PTPRD: variants seen among roughly 807,000 people sequenced by gnomAD.
The protein encoded by PTPRD is receptor-type tyrosine-protein phosphatase delta.
Under a neutral mutation model 214.5 loss-of-function variants are expected in PTPRD, and 34 were observed. The observed-to-expected ratio is 0.16, with a 90% CI of 0.12 to 0.21. The LOEUF is 0.21. PTPRD is among the 10% of genes least tolerant of loss of function. The pLI is 1.00. For missense variants in PTPRD, 2,545 were observed against 2,398.7 expected (o/e 1.06, Z -1.27); for synonymous variants, 1,128 against 845.7 (o/e 1.33, Z -5.79).
chr9:9,140,754 G>A (rs7852308), intron 10 of PTPRD, among the ~76,000 whole-genome samples: 97,846 of 151,892 alleles, frequency 0.64, 31,991 homozygotes, highest in African/African-American at 0.75. Flanking sequence ...AATTTTTTGT[G>A]TTTTTAGTAG....
intron 14 of PTPRD, among the ~76,000 whole-genome samples, chr9:8,592,203 C>T (rs1474892664): frequency 2.6e-5 from 4 of 152,082 alleles, no homozygotes; most frequent in East Asian, 3.8e-4. Flanking sequence ...AAACTCAATG[C>T]CCTCCTTCTA....
At chr9:9,323,740 G>C (rs897170207) in intron 9 of PTPRD, among the ~76,000 whole-genome samples, 6 of 152,078 alleles carry the variant, frequency 3.9e-5, no homozygotes, top group Non-Finnish European at 7.4e-5. Context: ...TGTGCACAAT[G>C]TGCAGGTTTG....
chr9:10,526,023 T>C (rs2054180864), intron 2 of PTPRD, among the ~76,000 whole-genome samples: 2 of 152,098 alleles, frequency 1.3e-5, no homozygotes, highest in Admixed American at 1.3e-4. Context: ...TGCCCACATT[T>C]CAATTTACTC....
intron 11 of PTPRD, among the ~76,000 whole-genome samples, chr9:8,925,460 G>C (rs955026163): frequency 6.6e-6 from 1 of 151,940 alleles, no homozygotes; most frequent in African/African-American, 2.4e-5. Context: ...ACACAGCTGT[G>C]TTTGTTCTGA....
chr9:10,056,104 T>C (rs774612909), intron 3 of PTPRD, among the ~76,000 whole-genome samples: 2 of 151,872 alleles, frequency 1.3e-5, no homozygotes, highest in Non-Finnish European at 2.9e-5. Context: ...GAGCGGACCA[T>C]GAGGTCAGGA....
At chr9:9,605,132 G>C (rs913540708) in intron 7 of PTPRD, among the ~76,000 whole-genome samples, 1 of 151,948 alleles carries the variant, frequency 6.6e-6, no homozygotes, top group Non-Finnish European at 1.5e-5. Context: ...TTCACATAAC[G>C]TATACACTGG....
intron 8 of PTPRD, among the ~76,000 whole-genome samples, chr9:9,468,900 A>T (rs1305740031): frequency 6.6e-6 from 1 of 152,130 alleles, no homozygotes; most frequent in African/African-American, 2.4e-5. Context: ...TGATCAGGGC[A>T]AATTCTCATG....
chr9:9,971,681 G>A (rs1275667156), intron 4 of PTPRD, among the ~76,000 whole-genome samples: 1 of 152,140 alleles, frequency 6.6e-6, no homozygotes. Flanking sequence ...GCACTGGTTT[G>A]GTGGTGGCTG....
chr9:10,345,462 C>G (rs965406759), intron 2 of PTPRD, among the ~76,000 whole-genome samples: 3 of 150,944 alleles, frequency 2.0e-5, no homozygotes, highest in African/African-American at 7.3e-5. Context: ...TCCTCTCCAC[C>G]TGCCCATTTG....
chr9:8,588,180 G>A (rs529937507), intron 14 of PTPRD, among the ~76,000 whole-genome samples: 60 of 152,194 alleles, frequency 3.9e-4, no homozygotes, highest in Non-Finnish European at 6.8e-4. Context: ...ATTTCATTCT[G>A]TGTTTTTATT....
intron 9 of PTPRD, among the ~76,000 whole-genome samples, chr9:9,377,765 G>A (rs967445993): frequency 3.9e-5 from 6 of 152,046 alleles, no homozygotes; most frequent in African/African-American, 1.4e-4. Context: ...TCAGGGGGTG[G>A]TAAAAGTAGC....
intron 3 of PTPRD, among the ~76,000 whole-genome samples, chr9:10,035,268 C>A (rs1567221985): frequency 3.3e-5 from 5 of 151,720 alleles, no homozygotes; most frequent in Non-Finnish European, 7.4e-5. Context: ...GTGCCCTTTG[C>A]CCACTTTTTA....
At chr9:8,356,189 G>A (rs1235286636) in intron 39 of PTPRD, among the ~76,000 whole-genome samples, 1 of 152,012 alleles carries the variant, frequency 6.6e-6, no homozygotes, top group Non-Finnish European at 1.5e-5. Flanking sequence ...AAACTCAGAT[G>A]CCCAAAGCCC....
intron 3 of PTPRD, among the ~76,000 whole-genome samples, chr9:10,200,706 T>G (rs1004096582): frequency 3.3e-5 from 5 of 152,078 alleles, no homozygotes. Flanking sequence ...GTTACAATCA[T>G]GCAGAGGAAG....
intron 33 of PTPRD, among the ~76,000 whole-genome samples, chr9:8,450,440 G>GA (rs113474642): frequency 3.3e-5 from 5 of 151,712 alleles, no homozygotes; most frequent in South Asian, 2.1e-4. Flanking sequence ...AAATGTGAAG[G>GA]AAAAAAAACA....
intron 7 of PTPRD, among the ~76,000 whole-genome samples, chr9:9,606,965 TAAAAAAAAAAAAAAAAAAAAAA>T (rs754610072): frequency 5.5e-4 from 15 of 27,488 alleles, no homozygotes; most frequent in South Asian, 5.3e-3. Context: ...TCAGCACTGC[TAAAAAAAAAAAAAAAAAAAAAA>T]AAAAAAAAAA....
At chr9:9,837,252 C>G (rs149988367) in intron 5 of PTPRD, among the ~76,000 whole-genome samples, 1 of 151,952 alleles carries the variant, frequency 6.6e-6, no homozygotes, top group Non-Finnish European at 1.5e-5. Flanking sequence ...CCAGGAATAC[C>G]GTAGCTGACA....
chr9:9,601,347 C>T (rs551750398), intron 7 of PTPRD, among the ~76,000 whole-genome samples: 26 of 152,068 alleles, frequency 1.7e-4, no homozygotes, highest in Middle Eastern at 3.4e-3. Flanking sequence ...TTTCCAGGAA[C>T]AGTGACCTTC....
intron 11 of PTPRD, among the ~76,000 whole-genome samples, chr9:8,807,838 A>G (rs1024362867): frequency 6.6e-6 from 1 of 152,178 alleles, no homozygotes; most frequent in Non-Finnish European, 1.5e-5. Context: ...CTTTAATAAA[A>G]TATACAATGA....
Sources: gnomAD v4.1 joint callset for allele counts (sites outside exome capture counted in the v4.1 genomes callset) on GRCh38, gnomAD v4.1.1 for gene constraint, MANE v1.5 for transcripts, NCBI Gene and HGNC (gene_info 2026-07-23, HGNC 2026-07-21) for gene names.